The following PTPRG variants were observed in gnomAD, a reference collection of about 807,000 sequenced individuals.
The protein encoded by PTPRG is protein tyrosine phosphatase receptor type G, also known as receptor-type tyrosine-protein phosphatase gamma.
A neutral mutation model predicts 165.3 loss-of-function variants in PTPRG; 102 were observed. That is an observed-to-expected ratio of 0.62 (90% CI 0.53 to 0.73). PTPRG has a LOEUF of 0.73. Ranked by LOEUF, PTPRG falls within the 30% of genes least tolerant of loss-of-function variation. The pLI, the probability that PTPRG is intolerant of heterozygous loss-of-function variation, is 0.00. For synonymous variants in PTPRG, 675 were observed against 669.5 expected (o/e 1.01, Z -0.13); for missense variants, 1,866 against 1,861.4 (o/e 1.00, Z -0.05).
chr3:61,735,776 A>G (rs1196559663), intron 1 of PTPRG, among the ~76,000 whole-genome samples: 1 of 152,206 alleles, frequency 6.6e-6, no homozygotes, highest in Admixed American at 6.5e-5. Flanking sequence ...GAGACAATTT[A>G]CCATAGATTT....
At chr3:61,793,785 CAGTTTCCTTGAGCT>C (rs2034964642) in intron 2 of PTPRG, among the ~76,000 whole-genome samples, 1 of 152,128 alleles carries the variant, frequency 6.6e-6, no homozygotes, top group Admixed American at 6.5e-5. Flanking sequence ...CACCCCTTGC[CAGTTTCCTTGAGCT>C]AAAAGGACCA....
chr3:61,956,161 G>A (rs1204898605), intron 2 of PTPRG, among the ~76,000 whole-genome samples: 1 of 151,758 alleles, frequency 6.6e-6, no homozygotes, highest in East Asian at 1.9e-4. Context: ...CAACAGATAT[G>A]TGATTATCCT....
intron 1 of PTPRG, among the ~76,000 whole-genome samples, chr3:61,738,866 C>G (rs1315986824): frequency 2.0e-5 from 3 of 152,000 alleles, no homozygotes; most frequent in African/African-American, 7.3e-5. Flanking sequence ...CCTCAGACTC[C>G]TGGGCACAAG....
chr3:62,034,811 T>C (rs569291890), intron 4 of PTPRG, among the ~76,000 whole-genome samples: 1 of 152,318 alleles, frequency 6.6e-6, no homozygotes, highest in African/African-American at 2.4e-5. Flanking sequence ...TGTATCTTTC[T>C]CCACAGTATA....
intron 1 of PTPRG, among the ~76,000 whole-genome samples, chr3:61,747,745 A>G (rs1381521861): frequency 6.6e-6 from 1 of 152,120 alleles, no homozygotes; most frequent in Non-Finnish European, 1.5e-5. Context: ...TCCTGGTCCC[A>G]TCTTTGTCTT....
intron 2 of PTPRG, among the ~76,000 whole-genome samples, chr3:61,944,945 C>G (rs993899807): frequency 6.6e-6 from 1 of 152,188 alleles, no homozygotes; most frequent in African/African-American, 2.4e-5. Context: ...TCCCTGCTGT[C>G]TGTCCTACAG....
intron 2 of PTPRG, among the ~76,000 whole-genome samples, chr3:61,930,142 T>A (rs914104117): frequency 2.6e-5 from 4 of 152,166 alleles, no homozygotes; most frequent in Admixed American, 2.0e-4. Context: ...AAGATAAAGA[T>A]GGAGCTACCT....
intron 2 of PTPRG, among the ~76,000 whole-genome samples, chr3:61,824,407 T>C (rs571927980): frequency 7.1e-4 from 108 of 152,204 alleles, no homozygotes; most frequent in Non-Finnish European, 6.0e-4. Context: ...AGGTTACTCA[T>C]GTAGGATAGG....
chr3:61,976,795 C>T (rs9985344), intron 2 of PTPRG, among the ~76,000 whole-genome samples: 69,448 of 151,576 alleles, frequency 0.46, 16,658 homozygotes, highest in African/African-American at 0.62. Flanking sequence ...CTTGCCTCAG[C>T]CTCCCGAGTA....
At chr3:61,853,000 A>C (rs1347645511) in intron 2 of PTPRG, among the ~76,000 whole-genome samples, 2 of 152,134 alleles carry the variant, frequency 1.3e-5, no homozygotes. Flanking sequence ...TGTTCATCTA[A>C]ATTCCATTTA....
intron 1 of PTPRG, among the ~76,000 whole-genome samples, chr3:61,602,483 A>G (rs1222038389): frequency 2.0e-5 from 3 of 152,212 alleles, no homozygotes; most frequent in African/African-American, 4.8e-5. Context: ...TCCATTGTTC[A>G]TCAAGGAGAG....
intron 6 of PTPRG, among the ~76,000 whole-genome samples, chr3:62,149,798 T>G (rs1305181086): frequency 6.6e-6 from 1 of 152,232 alleles, no homozygotes; most frequent in African/African-American, 2.4e-5. Context: ...TTTTACTCAG[T>G]TGTGTCACCT....
chr3:61,738,294 A>ATGTG (rs1414187300), intron 1 of PTPRG, among the ~76,000 whole-genome samples: 31,418 of 84,514 alleles, frequency 0.37, 11,305 homozygotes, highest in Non-Finnish European at 0.48. Context: ...ATATATATAT[A>ATGTG]TATATATATA....
intron 4 of PTPRG, among the ~76,000 whole-genome samples, chr3:62,076,727 A>C (rs1217338755): frequency 1.3e-5 from 2 of 151,756 alleles, no homozygotes; most frequent in African/African-American, 4.8e-5. Flanking sequence ...GATTGCAGGC[A>C]TGCACCACCA....
At chr3:61,736,208 AT>A (rs527807808) in intron 1 of PTPRG, among the ~76,000 whole-genome samples, 1,784 of 141,536 alleles carry the variant, frequency 0.013, 28 homozygotes, top group African/African-American at 0.033. Context: ...GCACCCGGCC[AT>A]TTTTTTTTTT....
chr3:61,861,537 G>A (rs1309896841), intron 2 of PTPRG, among the ~76,000 whole-genome samples: 2 of 152,160 alleles, frequency 1.3e-5, no homozygotes, highest in South Asian at 2.1e-4. Flanking sequence ...ATGAAGCAGG[G>A]GCCACCTAAG....
chr3:61,804,068 G>C (rs1297916089), intron 2 of PTPRG, among the ~76,000 whole-genome samples: 4 of 152,130 alleles, frequency 2.6e-5, no homozygotes, highest in Non-Finnish European at 5.9e-5. Context: ...ATAATTTCCA[G>C]GGCTCCTGGG....
chr3:62,263,973 C>A (rs1576192882), intron 17 of PTPRG: 3 of 152,284 alleles, frequency 2.0e-5, no homozygotes, highest in African/African-American at 7.2e-5. Flanking sequence ...CGGTGAAACC[C>A]TGTCTCTACT....
In PTPRG at chr3:62,273,572, G is replaced by C. The variant is rs1272938559; in HGVS notation, c.3319-126G>C. 3.5e-5 allele frequency: 31 copies of C among 894,270 alleles called. No homozygotes were observed. The highest frequency in any genetic ancestry group is 5.4e-5 in the Non-Finnish European group (30 of 557,994). 55.4% of individuals were successfully genotyped at this position (894,270 alleles called of 1,614,324 possible). A position where few individuals can be genotyped will look rare whatever the true frequency, so the allele number is the denominator to read the frequency against. On this transcript the variant is annotated intron_variant, in intron 22 of 29. Coordinates refer to ENST00000474889, the MANE Select transcript of PTPRG (RefSeq NM_002841.4). This position sits in a 1 kb window ranked among gnomAD's most constrained non-coding sequence, Gnocchi z 4.1. ...GAGTATTGGAGCAAATCACCTAGCTGTAAGTGCTTGAAGGAAATCACTGGG... is the reference window on the plus strand; with the variant it reads ...GAGTATTGGAGCAAATCACCTAGCTCTAAGTGCTTGAAGGAAATCACTGGG...
Sources: allele counts gnomAD v4.1 joint callset (sites outside exome capture counted in the v4.1 genomes callset), GRCh38; gene constraint gnomAD v4.1.1; non-coding constraint Gnocchi (gnomAD v3.1); transcripts MANE v1.5; gene names NCBI Gene and HGNC (gene_info 2026-07-23, HGNC 2026-07-21).